Variants in ANXA2 observed in about 807,000 individuals in gnomAD.
ANXA2 encodes the protein annexin II.
A neutral mutation model predicts 47.3 loss-of-function variants in ANXA2; 28 were observed. That is an observed-to-expected ratio of 0.59 (90% confidence interval 0.44 to 0.81). The LOEUF is 0.81. ANXA2 is among the 40% of genes least tolerant of loss of function. ANXA2 has a pLI of 0.00. For missense variants in ANXA2, 384 were observed against 414.3 expected (o/e 0.93, Z 0.64); for synonymous variants, 172 against 155.5 (o/e 1.11, Z -0.79).
intron 2 of ANXA2, 199 bp downstream of exon 2, chr15:60,385,829 G>A (rs1376027077): frequency 9.8e-6 from 5 of 511,196 alleles, no homozygotes; most frequent in East Asian, 3.2e-5. Context: ...GTGAGGCCAA[G>A]AAAAGTTTCC....
intron 1 of ANXA2, among the ~76,000 whole-genome samples, chr15:60,395,263 G>A (rs2063066608): frequency 6.6e-6 from 1 of 152,184 alleles, no homozygotes; most frequent in South Asian, 2.1e-4. Flanking sequence ...CTAAAGAGCA[G>A]GGATTTTATT....
At position 60,352,043 on chromosome 15, in the gene ANXA2, G is replaced by T. The variant is rs934506796; in HGVS notation, c.683-224C>A. On this transcript the variant is annotated intron_variant, in intron 9 of 12. Transcript: ENST00000451270. This position sits in a 1 kb window ranked among gnomAD's most constrained non-coding sequence, Gnocchi z 4.2. ...ATGGCACTGCCCAGGCCACATATTT[G>T]GACCATCTCTATCTCCCCTGAGTGG... 6.6e-6 allele frequency among the ~76,000 whole-genome samples: 1 copy of T among 152,048 alleles called. No individual in the cohort carries two copies. The highest frequency in any genetic ancestry group is 2.1e-4 in the South Asian group (1 of 4,822).
chr15:60,377,619 T>TA (rs2062798678), intron 3 of ANXA2, among the ~76,000 whole-genome samples: 1 of 152,108 alleles, frequency 6.6e-6, no homozygotes, highest in African/African-American at 2.4e-5. Context: ...TAACTAAATT[T>TA]AAAAAATACT....
chr15:60,382,416 C>T lies in ANXA2; in HGVS notation c.74G>A (p.Gly25Glu). 2 of 1,613,672 alleles carry T rather than the reference C, an allele frequency of 1.2e-6. No homozygotes were observed. Among genetic ancestry groups the T allele is most frequent in the East Asian group, 2.2e-5 (1 of 44,858 alleles). ...GDHSTPPSAY[G>E]SVKAYTNFDA... Reference sequence around the variant, plus strand: ...AAAGTTAGTATAGGCTTTGACAGACCCATATGCACTTGGGGGTGTAGAGTG... The same window carrying T: ...AAAGTTAGTATAGGCTTTGACAGACTCATATGCACTTGGGGGTGTAGAGTG... Residue 25 changes from glycine (G) to glutamate (E), a missense_variant, in exon 3 of 13, where the codon GGG becomes GAG. Gly to Glu is a moderately conservative substitution (Grantham distance 98). Coordinates refer to ENST00000451270, the MANE Select transcript of ANXA2 (RefSeq NM_004039.3).
intron 4 of ANXA2, chr15:60,362,728 G>A (rs2062533924): frequency 6.6e-6 from 1 of 152,146 alleles, no homozygotes; most frequent in Non-Finnish European, 1.5e-5. Flanking sequence ...CTTGGCCTAA[G>A]GCTGAGAGTC....
chr15:60,390,481 T>C (rs2062994405), intron 1 of ANXA2: 1 of 508,024 alleles, frequency 2.0e-6, no homozygotes, highest in Admixed American at 2.0e-5. Flanking sequence ...GAAAGCGGCG[T>C]TATGACAAGA....
chr15:60,396,526 A>C (rs2063083326), intron 1 of ANXA2: 1 of 152,252 alleles, frequency 6.6e-6, no homozygotes. Flanking sequence ...AAAGCTAAAA[A>C]AAGTTCCAGA....
intron 1 of ANXA2, chr15:60,390,448 C>A: frequency 2.0e-6 from 1 of 512,030 alleles, no homozygotes; most frequent in Admixed American, 2.0e-5. Flanking sequence ...CGGCACAATA[C>A]CAGGACTCCC....
At chr15:60,356,048 C>T (rs1392319883) in intron 6 of ANXA2, 50 bp from the exon 7 acceptor site, 2 of 1,411,032 alleles carry the variant, frequency 1.4e-6, no homozygotes, top group African/African-American at 1.4e-5. Flanking sequence ...TGTAGCCAAC[C>T]ATCCACCCCA....
chr15:60,354,696 T>C (rs1261929465), intron 7 of ANXA2, among the ~76,000 whole-genome samples: 3 of 150,420 alleles, frequency 2.0e-5, no homozygotes, highest in Non-Finnish European at 3.0e-5. Flanking sequence ...GGTAAAATCA[T>C]TGAGCAAGGA....
chr15:60,397,583 GC>G (rs1022540026), intron 1 of ANXA2, among the ~76,000 whole-genome samples: 5 of 152,282 alleles, frequency 3.3e-5, no homozygotes, highest in African/African-American at 1.2e-4. Flanking sequence ...GGGCGGCCAC[GC>G]CCTGCCTCGG....
At chr15:60,378,525 A>G (rs2062811327) in intron 3 of ANXA2, among the ~76,000 whole-genome samples, 2 of 152,216 alleles carry the variant, frequency 1.3e-5, no homozygotes, top group African/African-American at 4.8e-5. Flanking sequence ...TGCTAATATT[A>G]GCACTGAGCT....
chr15:60,379,689 G>C (rs1389774969), intron 3 of ANXA2, among the ~76,000 whole-genome samples: 2 of 152,194 alleles, frequency 1.3e-5, no homozygotes, highest in Non-Finnish European at 2.9e-5. Context: ...CATCTAAGAT[G>C]AATGTTCCTG....
chr15:60,354,619 CAAAAAA>C (rs5813019), intron 7 of ANXA2, among the ~76,000 whole-genome samples: 1 of 109,294 alleles, frequency 9.1e-6, no homozygotes, highest in African/African-American at 3.7e-5. Flanking sequence ...GACTCTGTCT[CAAAAAA>C]AAAAAAAAAA....
intron 1 of ANXA2, among the ~76,000 whole-genome samples, chr15:60,388,470 C>T (rs182005145): frequency 2.6e-5 from 4 of 151,616 alleles, no homozygotes; most frequent in African/African-American, 9.7e-5. Context: ...ACTGAGATTA[C>T]GGGCATAAAC....
At chr15:60,373,925 T>C (rs1354028769) in intron 3 of ANXA2, among the ~76,000 whole-genome samples, 2 of 151,996 alleles carry the variant, frequency 1.3e-5, no homozygotes, top group Non-Finnish European at 2.9e-5. Flanking sequence ...CATGGATGAG[T>C]AGTCCAGTTA....
At chr15:60,348,052 C>T (rs1895804867) in intron 12 of ANXA2, among the ~76,000 whole-genome samples, 1 of 152,196 alleles carries the variant, frequency 6.6e-6, no homozygotes, top group African/African-American at 2.4e-5. Flanking sequence ...CCACAGAAAA[C>T]AGGGTACTTT....
At chr15:60,384,489 T>C (rs1442243159) in intron 2 of ANXA2, 1 of 152,202 alleles carries the variant, frequency 6.6e-6, no homozygotes, top group Non-Finnish European at 1.5e-5. Flanking sequence ...ACATTTTCTA[T>C]TTCTGCCCCA....
intron 4 of ANXA2, chr15:60,363,052 AAAAAAAG>A (rs1595675582): frequency 6.7e-6 from 1 of 150,018 alleles, no homozygotes. Flanking sequence ...AAAAAAAAAA[AAAAAAAG>A]TTTCAGGCTT....
Sources: gnomAD v4.1 joint callset for allele counts (sites outside exome capture counted in the v4.1 genomes callset) on GRCh38, gnomAD v4.1.1 for gene constraint, Gnocchi (gnomAD v3.1) non-coding constraint, MANE v1.5 for transcripts, NCBI Gene and HGNC (gene_info 2026-07-23, HGNC 2026-07-21) for gene names.